The following TMEM135 variants were observed in gnomAD, a reference collection of about 807,000 sequenced individuals.
The protein encoded by TMEM135 is transmembrane protein 135, also known as peroxisomal membrane protein 52.
A neutral mutation model predicts 60.3 loss-of-function variants in TMEM135; 30 were observed. That is an observed-to-expected ratio of 0.50 (90% CI 0.37 to 0.68). The LOEUF (loss-of-function observed/expected upper bound fraction) is 0.68, where lower values mean the gene tolerates loss of function less well. Among genes scored for constraint, TMEM135 ranks in the 30% least tolerant of loss-of-function variants. TMEM135 has a pLI of 0.00. For synonymous variants in TMEM135, 190 were observed against 186.7 expected (o/e 1.02, Z -0.14); for missense variants, 468 against 548.8 (o/e 0.85, Z 1.47).
At chr11:87,042,959 G>GTTTT (rs59843545) in intron 1 of TMEM135, among the ~76,000 whole-genome samples, 1 of 141,196 alleles carries the variant, frequency 7.1e-6, no homozygotes, top group African/African-American at 2.6e-5. Context: ...GTTTTGTTTT[G>GTTTT]TTTTTTTTTT....
intron 6 of TMEM135, among the ~76,000 whole-genome samples, chr11:87,271,416 G>A (rs550759431): frequency 4.6e-5 from 7 of 152,200 alleles, no homozygotes; most frequent in South Asian, 2.1e-4. Context: ...AGTTACTTTC[G>A]TGATTATGTA....
chr11:87,251,365 C>T (rs1249411044), intron 6 of TMEM135, among the ~76,000 whole-genome samples: 1 of 152,084 alleles, frequency 6.6e-6, no homozygotes, highest in Non-Finnish European at 1.5e-5. Flanking sequence ...AGAGTAGTGG[C>T]AAGAGGCATT....
At position 87,187,605 on chromosome 11, in the gene TMEM135, C is replaced by T. The variant is rs193285825; in HGVS notation, c.462+30199C>T. 2.0e-5 allele frequency among the ~76,000 whole-genome samples: 3 copies of T among 152,292 alleles called. No individual in the cohort carries two copies. In the East Asian group the frequency reaches 5.8e-4, roughly 29 times the overall value. ...GTATGGTAAGATGAGCTGAAACATGCTGTGCGTGTATGTGTCTGTATGCAC... is the reference window on the plus strand; with the variant it reads ...GTATGGTAAGATGAGCTGAAACATGTTGTGCGTGTATGTGTCTGTATGCAC... On this transcript the variant is annotated intron_variant, in intron 5 of 14. Transcript: ENST00000305494.
chr11:87,188,013 T>A (rs1453870787), intron 5 of TMEM135, among the ~76,000 whole-genome samples: 1 of 152,234 alleles, frequency 6.6e-6, no homozygotes, highest in Non-Finnish European at 1.5e-5. Flanking sequence ...CTACAGGATA[T>A]TTTGCTAAAG....
chr11:87,286,244 G>T, intron 6 of TMEM135, among the ~76,000 whole-genome samples: 1 of 151,380 alleles, frequency 6.6e-6, no homozygotes, highest in Admixed American at 6.6e-5. Flanking sequence ...TACAAACCTT[G>T]AGCTAGACAC....
intron 6 of TMEM135, among the ~76,000 whole-genome samples, chr11:87,267,244 A>G (rs557794154): frequency 6.6e-6 from 1 of 152,304 alleles, no homozygotes; most frequent in East Asian, 1.9e-4. Context: ...TAGTTCCTTC[A>G]TGGAGAGGGA....
At chr11:87,088,393 C>T (rs548287384) in intron 3 of TMEM135, among the ~76,000 whole-genome samples, 8 of 152,180 alleles carry the variant, frequency 5.3e-5, no homozygotes, top group Admixed American at 2.6e-4. Context: ...CTATATTACC[C>T]TATGTTAAGA....
At chr11:87,109,845 G>C (rs1286796889) in intron 4 of TMEM135, among the ~76,000 whole-genome samples, 1 of 149,584 alleles carries the variant, frequency 6.7e-6, no homozygotes, top group Admixed American at 6.6e-5. Context: ...TTTTGCCACT[G>C]TTATTGTACT....
At chr11:87,054,916 C>T (rs1192018524) in intron 1 of TMEM135, among the ~76,000 whole-genome samples, 1 of 152,104 alleles carries the variant, frequency 6.6e-6, no homozygotes, top group Non-Finnish European at 1.5e-5. Flanking sequence ...ACTGTATTTA[C>T]TCTGAATCTT....
At position 87,037,989 on chromosome 11, in the gene TMEM135, C is replaced by G. The variant is rs1475297199; in HGVS notation, c.-57C>G. 2 of 1,609,890 alleles carry G rather than the reference C, an allele frequency of 1.2e-6. No homozygotes were observed. The highest frequency in any genetic ancestry group is 1.7e-6 in the Non-Finnish European group (2 of 1,179,746). ...GAGGCTGGCGGCTGGGCTCTCGCGC[C>G]CCTCCCTGCAGGGCTCAGGCTCTCC... On this transcript the variant is annotated 5_prime_UTR_variant, in exon 1 of 15. Transcript: ENST00000305494.
At chr11:87,212,444 A>G (rs902088538) in intron 5 of TMEM135, among the ~76,000 whole-genome samples, 2 of 152,212 alleles carry the variant, frequency 1.3e-5, no homozygotes, top group Non-Finnish European at 2.9e-5. Context: ...TACAGAAGGT[A>G]TTGGTCATTC....
chr11:87,194,492 A>G (rs1939886983), intron 5 of TMEM135, among the ~76,000 whole-genome samples: 1 of 152,124 alleles, frequency 6.6e-6, no homozygotes, highest in South Asian at 2.1e-4. Context: ...TTTATTCTAC[A>G]TTTTATAGTT....
In TMEM135 at chr11:87,119,879, C is replaced by CT. The variant is rs71465947; in HGVS notation, c.396+28490dup. On this transcript the variant is annotated intron_variant, in intron 4 of 14. Coordinates refer to ENST00000305494, the MANE Select transcript of TMEM135 (RefSeq NM_022918.4). ...CATGCAGCGTTGCTGCAAACCTTTA[C>CT]TTTTTTAAAAAAAAAAAAACAGTAT... 1.1e-3 allele frequency among the ~76,000 whole-genome samples: 153 copies of CT among 136,426 alleles called. 1 individual carries two copies. The East Asian group carries it at 0.013, about 11-fold the overall frequency. The allele number at this position is 136,426 out of a possible 152,430, so 89.5% of individuals were successfully genotyped here. A position where few individuals can be genotyped will look rare whatever the true frequency, so the allele number is the denominator to read the frequency against.
intron 5 of TMEM135, among the ~76,000 whole-genome samples, chr11:87,183,302 C>T (rs1399809878): frequency 1.3e-5 from 2 of 151,458 alleles, no homozygotes; most frequent in Admixed American, 1.3e-4. Context: ...GCCACCACGC[C>T]TGGTTAATTT....
intron 5 of TMEM135, among the ~76,000 whole-genome samples, chr11:87,229,631 A>G (rs1940845157): frequency 1.3e-5 from 2 of 152,312 alleles, no homozygotes; most frequent in Middle Eastern, 3.4e-3. Context: ...GATGTTTACA[A>G]AGTATGCTTT....
chr11:87,074,628 A>G (rs1349487791), intron 3 of TMEM135, among the ~76,000 whole-genome samples: 1 of 152,196 alleles, frequency 6.6e-6, no homozygotes. Flanking sequence ...ATGGTTATTA[A>G]CATTTTGCCA....
At chr11:87,161,165 T>G (rs962534178) in intron 5 of TMEM135, among the ~76,000 whole-genome samples, 1 of 152,186 alleles carries the variant, frequency 6.6e-6, no homozygotes, top group African/African-American at 2.4e-5. Flanking sequence ...CCCAAAGTGT[T>G]GGAATTACAG....
chr11:87,120,140 TCTCAC>T (rs1858011479), intron 4 of TMEM135, among the ~76,000 whole-genome samples: 1 of 135,256 alleles, frequency 7.4e-6, no homozygotes, highest in African/African-American at 2.7e-5. Context: ...TTTGAGACAG[TCTCAC>T]TTTGTCATCC....
intron 4 of TMEM135, among the ~76,000 whole-genome samples, chr11:87,123,970 T>G (rs1937648798): frequency 6.6e-6 from 1 of 152,220 alleles, no homozygotes; most frequent in Non-Finnish European, 1.5e-5. Flanking sequence ...AAGATTTGAA[T>G]CTGCACCTGA....
Sources: gnomAD v4.1 joint callset for allele counts (sites outside exome capture counted in the v4.1 genomes callset) on GRCh38, gnomAD v4.1.1 for gene constraint, MANE v1.5 for transcripts, NCBI Gene and HGNC (gene_info 2026-07-23, HGNC 2026-07-21) for gene names.